Variants in UVRAG observed in about 807,000 individuals in gnomAD.
The protein encoded by UVRAG is UV radiation resistance-associated gene protein.
Under a neutral mutation model 78.0 loss-of-function variants are expected in UVRAG, and 19 were observed. The ratio of observed to expected loss-of-function variants is 0.24; its 90% CI spans 0.17 to 0.36. The LOEUF (loss-of-function observed/expected upper bound fraction) is 0.36. Among genes scored for constraint, UVRAG ranks in the 10% least tolerant of loss-of-function variants. The pLI, the probability that UVRAG is intolerant of heterozygous loss-of-function variation, is 1.00. For missense variants in UVRAG, 740 were observed against 853.8 expected (o/e 0.87, Z 1.66); for synonymous variants, 323 against 324.6 (o/e 1.00, Z 0.05).
chr11:75,931,162 T>C (rs1002471417), intron 6 of UVRAG, among the ~76,000 whole-genome samples: 2 of 152,016 alleles, frequency 1.3e-5, no homozygotes, highest in African/African-American at 4.8e-5. Flanking sequence ...GTTTTGCAAA[T>C]AATTTGTGTG....
chr11:76,089,887 C>T (rs548757388), intron 13 of UVRAG, among the ~76,000 whole-genome samples: 15 of 152,232 alleles, frequency 9.9e-5, no homozygotes, highest in African/African-American at 3.4e-4. Context: ...AATTCCTAAG[C>T]CTCCCAACCA....
At chr11:75,938,763 T>C (rs1948427886) in intron 6 of UVRAG, among the ~76,000 whole-genome samples, 1 of 152,176 alleles carries the variant, frequency 6.6e-6, no homozygotes, top group Non-Finnish European at 1.5e-5. Context: ...CCTCAGATGA[T>C]TCACTGATCA....
chr11:75,870,841 C>T (rs1379223808), intron 3 of UVRAG, among the ~76,000 whole-genome samples: 1 of 151,996 alleles, frequency 6.6e-6, no homozygotes, highest in African/African-American at 2.4e-5. Flanking sequence ...ATCAATGAAA[C>T]ACGATCATCT....
At chr11:75,988,816 T>C (rs532230324) in intron 8 of UVRAG, among the ~76,000 whole-genome samples, 2 of 152,324 alleles carry the variant, frequency 1.3e-5, no homozygotes, top group East Asian at 3.9e-4. Flanking sequence ...ATAACTATTG[T>C]GGCTGAGCAT....
Position 75,977,936 on chromosome 11 carries a change from C to T in UVRAG, c.700-5451C>T, listed in dbSNP as rs1030988547. ...TATGATGTTAGCTGATTATTTTGCT[C>T]GTTAGTTGATGCAGTTTCTTCCTAG... is the stretch of plus-strand genomic sequence containing the variant. On this transcript the variant is annotated intron_variant, in intron 7 of 14. Transcript: ENST00000356136. Among the ~76,000 whole-genome samples the T allele has an allele frequency of 1.6e-4, 25 of 152,188 alleles. 1 individual carries two copies. Among genetic ancestry groups the T allele is most frequent in the East Asian group, 1.9e-4 (1 of 5,180 alleles).
intron 8 of UVRAG, among the ~76,000 whole-genome samples, chr11:75,992,417 A>G (rs143829734): frequency 6.6e-6 from 1 of 152,188 alleles, no homozygotes; most frequent in African/African-American, 2.4e-5. Context: ...TGTTTTTGAG[A>G]TGAGAATTAC....
chr11:75,816,162 A>C (rs1945259298), intron 1 of UVRAG, among the ~76,000 whole-genome samples: 1 of 152,038 alleles, frequency 6.6e-6, no homozygotes, highest in Non-Finnish European at 1.5e-5. Flanking sequence ...CATTCCCTTC[A>C]GTGAGTCTCT....
chr11:75,992,475 T>A (rs1020222335), intron 8 of UVRAG, among the ~76,000 whole-genome samples: 3 of 152,194 alleles, frequency 2.0e-5, no homozygotes, highest in African/African-American at 7.2e-5. Context: ...TAGGATCTAA[T>A]GTTGATACTT....
At chr11:75,850,257 T>A (rs1031489222) in intron 1 of UVRAG, among the ~76,000 whole-genome samples, 6 of 152,284 alleles carry the variant, frequency 3.9e-5, no homozygotes, top group Admixed American at 1.3e-4. Context: ...TTGCCTTAGG[T>A]CCCTGGAGAC....
intron 3 of UVRAG, among the ~76,000 whole-genome samples, chr11:75,876,695 GAA>G (rs71036069): frequency 6.8e-6 from 1 of 146,176 alleles, no homozygotes; most frequent in Non-Finnish European, 1.5e-5. Context: ...CTTTGGTCAG[GAA>G]AAAAAAAAAA....
At chr11:76,038,593 G>T (rs1239524848) in intron 12 of UVRAG, among the ~76,000 whole-genome samples, 1 of 152,194 alleles carries the variant, frequency 6.6e-6, no homozygotes, top group South Asian at 2.1e-4. Flanking sequence ...ATCCTCCACA[G>T]ATACTGAGAG....
intron 6 of UVRAG, among the ~76,000 whole-genome samples, chr11:75,941,444 G>A (rs1456994258): frequency 6.6e-6 from 1 of 151,970 alleles, no homozygotes; most frequent in African/African-American, 2.4e-5. Context: ...AAAATGCTTG[G>A]GACTAGAAGT....
At chr11:76,023,249 C>T (rs1291129169) in intron 12 of UVRAG, among the ~76,000 whole-genome samples, 1 of 152,122 alleles carries the variant, frequency 6.6e-6, no homozygotes, top group East Asian at 1.9e-4. Context: ...TGCACTAAGC[C>T]TAGCTGTCAG....
rs757933351 is a variant in UVRAG at position 75,879,853 on chromosome 11, A to C, written c.271-26A>C. 10 of 1,611,142 alleles carry C rather than the reference A, an allele frequency of 6.2e-6. No individual in the cohort carries two copies. In the South Asian group the frequency reaches 9.9e-5, roughly 16 times the overall value. ...ATCGTAAACAAATAGAGTTGTCCTA[A>C]AGCGTGTTTTCATTTTCATGAGCAG... On this transcript the variant is annotated intron_variant, in intron 3 of 14. Transcript: ENST00000356136.
At chr11:76,061,787 A>G (rs1951100489) in intron 12 of UVRAG, among the ~76,000 whole-genome samples, 1 of 152,234 alleles carries the variant, frequency 6.6e-6, no homozygotes, top group Non-Finnish European at 1.5e-5. Flanking sequence ...TCATTCTTGA[A>G]GTTAGTGAGA....
chr11:75,829,505 T>G (rs1457832671), intron 1 of UVRAG, among the ~76,000 whole-genome samples: 1 of 152,226 alleles, frequency 6.6e-6, no homozygotes, highest in Non-Finnish European at 1.5e-5. Context: ...CTCACTTACT[T>G]AAAGTTGCAC....
At chr11:75,831,615 T>C (rs116655391) in intron 1 of UVRAG, among the ~76,000 whole-genome samples, 1,705 of 152,158 alleles carry the variant, frequency 0.011, 30 homozygotes, top group African/African-American at 0.038. Flanking sequence ...GGGAAATGCA[T>C]GCTAGCAGAG....
intron 5 of UVRAG, 138 bp from the exon 6 acceptor site, chr11:75,911,816 T>G: frequency 1.7e-6 from 1 of 576,536 alleles, no homozygotes; most frequent in Non-Finnish European, 3.0e-6. Flanking sequence ...CAGATATACT[T>G]TACTTTTTGG....
chr11:75,863,319 G>A (rs950815893), intron 3 of UVRAG, among the ~76,000 whole-genome samples: 8 of 152,268 alleles, frequency 5.3e-5, no homozygotes, highest in African/African-American at 1.9e-4. Context: ...TCCTTGCTCA[G>A]GTGGAAACAG....
Sources: allele counts gnomAD v4.1 joint callset (sites outside exome capture counted in the v4.1 genomes callset), GRCh38; gene constraint gnomAD v4.1.1; transcripts MANE v1.5; gene names NCBI Gene and HGNC (gene_info 2026-07-23, HGNC 2026-07-21).